RPL22: variants seen among roughly 807,000 people sequenced by gnomAD.
RPL22 encodes the protein ribosomal protein L22.
In RPL22, 4 loss-of-function variants were observed where a neutral mutation model predicts 16.2. That is an observed-to-expected ratio of 0.25 (90% CI 0.12 to 0.57). RPL22 has a LOEUF of 0.57. Ranked by LOEUF, RPL22 falls within the 20% of genes least tolerant of loss-of-function variation. RPL22 has a pLI of 0.92. For missense variants in RPL22, 83 were observed against 156.1 expected (o/e 0.53, Z 2.49); for synonymous variants, 43 against 54.8 (o/e 0.78, Z 0.95).
chr1:6,188,225 G>GT (rs1667606685), intron 3 of RPL22, among the ~76,000 whole-genome samples: 1 of 152,168 alleles, frequency 6.6e-6, no homozygotes, highest in Admixed American at 6.5e-5. Context: ...AGAGATGGGG[G>GT]TTTTGCCATA....
intron 3 of RPL22, among the ~76,000 whole-genome samples, chr1:6,187,227 G>A (rs1432000850): frequency 6.6e-6 from 1 of 152,164 alleles, no homozygotes; most frequent in East Asian, 1.9e-4. Context: ...AGGATCCCTT[G>A]AATCCAGGAG....
At position 6,185,977 on chromosome 1, in the gene RPL22, C is replaced by T; in HGVS notation, c.*695G>A. On this transcript the variant is annotated 3_prime_UTR_variant, in exon 4 of 4. Transcript: ENST00000234875. ...TCTGGAAGCACTATTCCTACAGCTC[C>T]CTCTGCTGGAGACGAAAGTGACAGT... 4.3e-6 allele frequency: 1 copy of T among 230,420 alleles called. No homozygotes were observed. Among genetic ancestry groups the T allele is most frequent in the Non-Finnish European group, 8.6e-6 (1 of 116,308 alleles). The allele number at this position is 230,420 out of a possible 1,614,324, so 14.3% of individuals were successfully genotyped here.
intron 3 of RPL22, among the ~76,000 whole-genome samples, chr1:6,187,733 A>G (rs1667601064): frequency 1.3e-5 from 2 of 152,360 alleles, no homozygotes; most frequent in Non-Finnish European, 2.9e-5. Flanking sequence ...CTGGAGAAAG[A>G]TAACATGATA....
chr1:6,194,276 G>C (rs1023665614), intron 2 of RPL22, among the ~76,000 whole-genome samples: 1 of 152,190 alleles, frequency 6.6e-6, no homozygotes, highest in Non-Finnish European at 1.5e-5. Context: ...CTGAATCTAA[G>C]GAGTATAAAA....
chr1:6,196,840 C>A (rs918654374), intron 2 of RPL22, among the ~76,000 whole-genome samples: 1 of 151,972 alleles, frequency 6.6e-6, no homozygotes, highest in Non-Finnish European at 1.5e-5. Context: ...AACACTGAAG[C>A]TCAGATGCTT....
chr1:6,185,255 T>A lies in RPL22; in HGVS notation c.*1417A>T. 2.5e-6 allele frequency: 1 copy of A among 398,932 alleles called. No individual in the cohort carries two copies. The highest frequency in any genetic ancestry group is 4.4e-6 in the Non-Finnish European group (1 of 226,046). 24.7% of individuals were successfully genotyped at this position (398,932 alleles called of 1,614,324 possible). On this transcript the variant is annotated 3_prime_UTR_variant, in exon 4 of 4. Coordinates refer to ENST00000234875, the MANE Select transcript of RPL22 (RefSeq NM_000983.4). The stretch of plus-strand genomic sequence containing the variant: ...GGAACATCAATGCAACAAGTAGAAT[T>A]TGTAAACTCAAGCCACAAACTTAGT...
intron 2 of RPL22, among the ~76,000 whole-genome samples, chr1:6,196,375 G>C (rs981305248): frequency 6.6e-6 from 1 of 152,134 alleles, no homozygotes; most frequent in African/African-American, 2.4e-5. Flanking sequence ...GATAGAGAAA[G>C]AACTAAGGAA....
At chr1:6,193,525 G>A (rs557434655) in intron 2 of RPL22, among the ~76,000 whole-genome samples, 3 of 152,126 alleles carry the variant, frequency 2.0e-5, no homozygotes, top group Non-Finnish European at 2.9e-5. Flanking sequence ...GTTTCTCCAC[G>A]TTGGTCATGC....
intron 2 of RPL22, among the ~76,000 whole-genome samples, chr1:6,195,446 C>CAAA (rs536240875): frequency 1.5e-5 from 1 of 67,806 alleles, no homozygotes; most frequent in Non-Finnish European, 3.1e-5. Flanking sequence ...GACTCCGTCT[C>CAAA]AAAAAAAAAA....
At chr1:6,196,747 A>G (rs1315637644) in intron 2 of RPL22, among the ~76,000 whole-genome samples, 1 of 152,146 alleles carries the variant, frequency 6.6e-6, no homozygotes, top group African/African-American at 2.4e-5. Flanking sequence ...TGGGCCAAAT[A>G]CAGGGGCAAA....
chr1:6,193,436 T>C (rs1016846695), intron 2 of RPL22, among the ~76,000 whole-genome samples: 9 of 151,984 alleles, frequency 5.9e-5, no homozygotes, highest in Non-Finnish European at 1.3e-4. Flanking sequence ...GTGATTCTCC[T>C]GCTCCGCCTC....
chr1:6,188,948 GC>G (rs977663224), intron 3 of RPL22, among the ~76,000 whole-genome samples: 2 of 145,358 alleles, frequency 1.4e-5, no homozygotes, highest in Non-Finnish European at 2.9e-5. Context: ...ACCACGCCCA[GC>G]TAATTTTGTA....
In RPL22 at chr1:6,185,227, A is replaced by G. The variant is rs75677223; in HGVS notation, c.*1445T>C. 1,906 of 398,494 alleles carry G rather than the reference A, an allele frequency of 4.8e-3. 31 individuals carry two copies. The highest frequency in any genetic ancestry group is 0.036 in the African/African-American group (1,746 of 48,744). The allele number at this position is 398,494 out of a possible 1,614,324, so 24.7% of individuals were successfully genotyped here. On this transcript the variant is annotated 3_prime_UTR_variant, in exon 4 of 4. Coordinates refer to ENST00000234875, the MANE Select transcript of RPL22 (RefSeq NM_000983.4). The stretch of plus-strand genomic sequence containing the variant: ...AACCAAACTAAAAATGACTTACTAC[A>G]TGGGAACATCAATGCAACAAGTAGA...
At position 6,192,047 on chromosome 1, in the gene RPL22, G is replaced by A. The variant is rs528349067; in HGVS notation, c.242+883C>T. ...TCTTACTGTGATCTAGAGACAGGAGGCAATTTTTTTTTTTTTAATTGAGAT... is the reference window on the plus strand; with the variant it reads ...TCTTACTGTGATCTAGAGACAGGAGACAATTTTTTTTTTTTTAATTGAGAT... On this transcript the variant is annotated intron_variant, in intron 3 of 3. Coordinates refer to ENST00000234875, the MANE Select transcript of RPL22 (RefSeq NM_000983.4). 6.3e-4 allele frequency among the ~76,000 whole-genome samples: 96 copies of A among 151,830 alleles called. 3 individuals are homozygous for A. The South Asian group carries it at 0.017, about 28-fold the overall frequency.
intron 2 of RPL22, 103 bp from the exon 3 acceptor site, chr1:6,193,157 G>A: frequency 7.0e-7 from 1 of 1,424,166 alleles, no homozygotes; most frequent in South Asian, 1.3e-5. Flanking sequence ...TTTTTGTTTT[G>A]GTTTTGGAGA....
At chr1:6,191,485 G>A (rs1667650252) in intron 3 of RPL22, among the ~76,000 whole-genome samples, 1 of 149,662 alleles carries the variant, frequency 6.7e-6, no homozygotes, top group Non-Finnish European at 1.5e-5. Flanking sequence ...GGCTAACACG[G>A]TGAAACCCCG....
At chr1:6,192,849 G>A (rs767099754) in intron 3 of RPL22, 81 bp downstream of exon 3, 108 of 1,548,236 alleles carry the variant, frequency 7.0e-5, no homozygotes, top group Admixed American at 1.2e-4. Context: ...ATCACTCTGC[G>A]GGTGCCCCCA....
intron 3 of RPL22, among the ~76,000 whole-genome samples, chr1:6,190,277 T>C (rs1667632892): frequency 6.6e-6 from 1 of 152,184 alleles, no homozygotes; most frequent in African/African-American, 2.4e-5. Flanking sequence ...AGCTTCAAAG[T>C]CTCTTCTTCA....
At chr1:6,192,410 T>C (rs996209834) in intron 3 of RPL22, among the ~76,000 whole-genome samples, 1 of 152,168 alleles carries the variant, frequency 6.6e-6, no homozygotes, top group African/African-American at 2.4e-5. Flanking sequence ...TAAAATACTT[T>C]AGCCTGGCCG....
Sources: allele counts gnomAD v4.1 joint callset (sites outside exome capture counted in the v4.1 genomes callset), GRCh38; gene constraint gnomAD v4.1.1; transcripts MANE v1.5; gene names NCBI Gene and HGNC (gene_info 2026-07-23, HGNC 2026-07-21).